Variants in EIF2A observed in about 807,000 individuals in gnomAD.
EIF2A encodes 65 kDa eukaryotic translation initiation factor 2A.
In EIF2A, 62 loss-of-function variants were observed where a neutral mutation model predicts 75.2. The observed-to-expected ratio is 0.82, with a 90% confidence interval of 0.67 to 1.02. EIF2A has a LOEUF of 1.02. Ranked by LOEUF, EIF2A falls within the 50% of genes least tolerant of loss-of-function variation. The pLI is 0.00. For missense variants in EIF2A, 611 were observed against 677.7 expected, an observed-to-expected ratio of 0.90 and a Z score of 1.09; for synonymous variants, 207 against 239.0, an observed-to-expected ratio of 0.87 and a Z score of 1.23.
chr3:150,559,514 T>TC (rs1170149849), intron 3 of EIF2A, among the ~76,000 whole-genome samples: 2 of 149,998 alleles, frequency 1.3e-5, no homozygotes, highest in Non-Finnish European at 3.0e-5. Context: ...TTTTTTTTTT[T>TC]TTTTGAGACA....
chr3:150,556,005 C>A (rs1723544984), intron 2 of EIF2A, among the ~76,000 whole-genome samples: 1 of 152,178 alleles, frequency 6.6e-6, no homozygotes, highest in African/African-American at 2.4e-5. Context: ...AAGTTTACTA[C>A]AGCCTCTTAG....
chr3:150,571,598 T>C (rs1362908331), intron 9 of EIF2A, among the ~76,000 whole-genome samples: 1 of 152,164 alleles, frequency 6.6e-6, no homozygotes, highest in South Asian at 2.1e-4. Context: ...CAAAGTAAGA[T>C]CCCATTTCTA....
intron 5 of EIF2A, 97 bp from the exon 6 acceptor site, chr3:150,564,202 A>T: frequency 1.1e-6 from 1 of 913,560 alleles, no homozygotes; most frequent in Non-Finnish European, 1.6e-6. Context: ...TTTTTCCTTA[A>T]ATGGTAACCA....
Position 150,562,629 on chromosome 3 carries a change from T to C in EIF2A, c.261T>C (p.Asn87=). 6.2e-7 allele frequency: 1 copy of C among 1,613,416 alleles called. No homozygotes were observed. The highest frequency in any genetic ancestry group is 1.1e-5 in the South Asian group (1 of 91,016). ...KAVCLEFSPK[N]TVLATWQPYT... ...TTTGCCTTGAATTCTCACCCAAAAATACTGTCCTGGCAACGTGGCAGCCTT... is the reference window on the plus strand; with the variant it reads ...TTTGCCTTGAATTCTCACCCAAAAACACTGTCCTGGCAACGTGGCAGCCTT... The change falls in exon 4 of 14, where the codon AAT becomes AAC. Residue 87 remains asparagine, a synonymous_variant. Transcript: ENST00000460851.
intron 3 of EIF2A, among the ~76,000 whole-genome samples, chr3:150,561,771 T>C (rs1428896077): frequency 6.6e-6 from 1 of 151,016 alleles, no homozygotes; most frequent in African/African-American, 2.4e-5. Flanking sequence ...TAGCCTTATA[T>C]AGGAGCCTTT....
intron 10 of EIF2A, among the ~76,000 whole-genome samples, chr3:150,573,404 AC>A (rs1724659726): frequency 6.6e-6 from 1 of 152,096 alleles, no homozygotes; most frequent in South Asian, 2.1e-4. Context: ...AGTGCCTGCC[AC>A]CACGTCCAGC....
chr3:150,559,933 G>A (rs1283590016), intron 3 of EIF2A, among the ~76,000 whole-genome samples: 2 of 151,942 alleles, frequency 1.3e-5, no homozygotes, highest in African/African-American at 4.8e-5. Flanking sequence ...CCTATTGTGG[G>A]TACTTAAATT....
At chr3:150,583,493 T>C (rs1041761844) in intron 13 of EIF2A, among the ~76,000 whole-genome samples, 1 of 152,230 alleles carries the variant, frequency 6.6e-6, no homozygotes, top group East Asian at 1.9e-4. Flanking sequence ...CTAAGAGGCA[T>C]ACTATGTTAT....
intron 13 of EIF2A, among the ~76,000 whole-genome samples, chr3:150,583,560 T>C (rs1296217296): frequency 2.6e-5 from 4 of 152,180 alleles, no homozygotes. Context: ...TTCTCTCAAG[T>C]TGTACTGCCC....
chr3:150,562,990 C>T (rs1375840318), intron 4 of EIF2A: 4 of 192,290 alleles, frequency 2.1e-5, no homozygotes. Context: ...AAAATCAAGA[C>T]TTTTAAATAA....
Position 150,568,287 on chromosome 3 carries a change from A to T in EIF2A, c.806A>T (p.Gln269Leu). ...ACAAATGGAGAAAGTGCTGTAGTGCAATTACGTGAGTATTCCAGCAGTCTT... is the reference window on the plus strand; with the variant it reads ...ACAAATGGAGAAAGTGCTGTAGTGCTATTACGTGAGTATTCCAGCAGTCTT... ...IATNGESAVV[Q>L]LPKNGPIYDV... The change falls in exon 9 of 14, where the codon CAA (glutamine) becomes CTA (leucine). Residue 269 changes from glutamine (Q) to leucine (L), a missense_variant. By Grantham distance (113) the Gln-to-Leu change is moderately radical. Coordinates refer to ENST00000460851, the MANE Select transcript of EIF2A (RefSeq NM_032025.5). 1 of 1,608,888 alleles carries T rather than the reference A, an allele frequency of 6.2e-7. No individual in the cohort carries two copies. Among genetic ancestry groups the T allele is most frequent in the Non-Finnish European group, 8.5e-7 (1 of 1,177,590 alleles).
At chr3:150,566,337 G>A (rs1724183373) in intron 6 of EIF2A, 1 of 151,924 alleles carries the variant, frequency 6.6e-6, no homozygotes, top group African/African-American at 2.4e-5. Flanking sequence ...CTTTTGAATA[G>A]CTATTGATCT....
chr3:150,579,531 G>A (rs1725053052), intron 11 of EIF2A, among the ~76,000 whole-genome samples: 1 of 152,022 alleles, frequency 6.6e-6, no homozygotes, highest in South Asian at 2.1e-4. Context: ...CTAACATGGT[G>A]AAACCCCATC....
rs1190276748 is a variant in EIF2A, at chr3:150,572,055, C to T, written c.909C>T (p.Asn303=). The part of the protein sequence containing the change: ...GFMPAKATIF[N]LKCDPVFDFG... Reference sequence around the variant, plus strand: ...TGCCTGCCAAAGCGACAATTTTCAACTTGAAATGTGATCCTGTATTTGACT... The same window carrying T: ...TGCCTGCCAAAGCGACAATTTTCAATTTGAAATGTGATCCTGTATTTGACT... The change falls in exon 10 of 14, where the codon AAC becomes AAT. Residue 303 remains asparagine, a synonymous_variant. Transcript: ENST00000460851. 6.2e-7 allele frequency: 1 copy of T among 1,613,978 alleles called. No homozygotes were observed. The highest frequency in any genetic ancestry group is 1.7e-5 in the Admixed American group (1 of 60,016).
At chr3:150,579,343 T>G (rs956841756) in intron 11 of EIF2A, among the ~76,000 whole-genome samples, 10 of 152,184 alleles carry the variant, frequency 6.6e-5, no homozygotes, top group Non-Finnish European at 8.8e-5. Flanking sequence ...AAGTGCCCAG[T>G]AATTTGTTTT....
chr3:150,573,842 A>G (rs960813387), intron 10 of EIF2A, among the ~76,000 whole-genome samples: 5 of 152,148 alleles, frequency 3.3e-5, no homozygotes, highest in Non-Finnish European at 7.3e-5. Context: ...AAAGTTTTTT[A>G]TAAGTAAAAA....
intron 1 of EIF2A, among the ~76,000 whole-genome samples, chr3:150,548,355 T>A (rs1723150387): frequency 6.6e-6 from 1 of 152,234 alleles, no homozygotes. Context: ...GTACCTGAAA[T>A]ATATTTGAAA....
chr3:150,569,889 A>G (rs1724407755), intron 9 of EIF2A, among the ~76,000 whole-genome samples: 1 of 152,202 alleles, frequency 6.6e-6, no homozygotes, highest in Non-Finnish European at 1.5e-5. Flanking sequence ...AAAACTGATA[A>G]ATCAGTGGAA....
Position 150,546,816 on chromosome 3 carries a change from C to A in EIF2A, c.14C>A (p.Thr5Lys), listed in dbSNP as rs1427125283. MAPS[T>K]PLLTVRGSEG... ...TTCCGGGACAACATGGCGCCGTCCA[C>A]GCCGCTCTTGACAGGTGAGTTCTGA... Residue 5 changes from threonine to lysine, a missense_variant, in exon 1 of 14, where the codon ACG becomes AAG. Thr to Lys is a moderately conservative substitution (Grantham distance 78, BLOSUM62 -1). Coordinates refer to ENST00000460851, the MANE Select transcript of EIF2A (RefSeq NM_032025.5). The A allele has an allele frequency of 6.2e-7, 1 of 1,612,508 alleles. No homozygotes were observed.
Sources: allele counts gnomAD v4.1 joint callset (sites outside exome capture counted in the v4.1 genomes callset), GRCh38; gene constraint gnomAD v4.1.1; transcripts MANE v1.5; gene names NCBI Gene and HGNC (gene_info 2026-07-23, HGNC 2026-07-21).